SYNPO: variants seen among roughly 807,000 people sequenced by gnomAD.
The protein encoded by SYNPO is synaptopodin.
SYNPO carries 19 observed loss-of-function variants against 49.5 expected under a neutral mutation model. The observed-to-expected ratio is 0.38, with a 90% CI of 0.27 to 0.56. The LOEUF is 0.56. Among genes scored for constraint, SYNPO ranks in the 20% least tolerant of loss-of-function variants. The probability of loss-of-function intolerance (pLI) is 0.68; values close to 1 mark genes in which losing one functional copy is unlikely to be tolerated. For missense variants in SYNPO, 1,131 were observed against 1,248.3 expected (o/e 0.91, Z 1.42); for synonymous variants, 536 against 548.0 (o/e 0.98, Z 0.31).
chr5:150,606,113 A>C (rs1315205082), intron 1 of SYNPO, among the ~76,000 whole-genome samples: 2 of 152,252 alleles, frequency 1.3e-5, no homozygotes, highest in Non-Finnish European at 2.9e-5. Flanking sequence ...TATCATGCAG[A>C]TATCCACATA....
rs753098712 is a variant in SYNPO, at chr5:150,649,121, C to T, written c.846C>T (p.Pro282=). ...CCCCCAGTTTGCCAGACAGGAGCCC[C>T]CGGCCACAGAGACACATAATGTCCC... The part of the protein sequence containing the change: ...PQPPSLPDRS[P]RPQRHIMSRS... The change falls in exon 2 of 3, where the codon CCC becomes CCT. Residue 282 remains proline, a synonymous_variant. Transcript: ENST00000307662. 6.8e-6 allele frequency: 11 copies of T among 1,613,944 alleles called. No individual in the cohort carries two copies. In the Admixed American group the frequency reaches 1.0e-4, roughly 15 times the overall value.
At chr5:150,635,670 C>T (rs1244614593), upstream of SYNPO, among the ~76,000 whole-genome samples, 1 of 152,144 alleles carries the variant, frequency 6.6e-6, no homozygotes, top group Non-Finnish European at 1.5e-5. Context: ...ACCATGTTGG[C>T]CAGGCTGGTC....
chr5:150,626,916 C>T (rs1436312587), intron 2 of SYNPO, among the ~76,000 whole-genome samples: 2 of 152,140 alleles, frequency 1.3e-5, no homozygotes, highest in East Asian at 3.8e-4. Context: ...ATGGGAGGAA[C>T]CTTCTTCCAT....
At chr5:150,611,757 C>T (rs539770506) in intron 1 of SYNPO, among the ~76,000 whole-genome samples, 26 of 152,268 alleles carry the variant, frequency 1.7e-4, no homozygotes, top group South Asian at 1.0e-3. Context: ...GGATCGGGAC[C>T]GTGGGATCAT....
chr5:150,587,435 C>T, the SYNPO span, among the ~76,000 whole-genome samples: 8 of 151,226 alleles, frequency 5.3e-5, no homozygotes, highest in East Asian at 5.9e-4. Context: ...GCAGGATGAA[C>T]GAGTGGAAGA....
At position 150,657,167 on chromosome 5, in the gene SYNPO, C is replaced by A; in HGVS notation, c.*80C>A. ...ACCTGGGGGACCCAAAGGGTCTGGC[C>A]TCTTTGGGCAGCCCCAGAGATGAGG... is the stretch of plus-strand genomic sequence containing the variant. On this transcript the variant is annotated 3_prime_UTR_variant, in exon 3 of 3. Coordinates refer to ENST00000307662, the MANE Select transcript of SYNPO (RefSeq NM_007286.6). 1.4e-6 allele frequency: 2 copies of A among 1,438,412 alleles called. No individual in the cohort carries two copies. 89.1% of individuals were successfully genotyped at this position (1,438,412 alleles called of 1,614,324 possible). A position where few individuals can be genotyped will look rare whatever the true frequency, so the allele number is the denominator to read the frequency against.
rs1384395269 is a variant in SYNPO, at chr5:150,649,445, C to T, written c.1170C>T (p.Thr390=). Residue 390 remains threonine (T), a synonymous_variant, in exon 2 of 3, where the codon ACC becomes ACT. Coordinates refer to ENST00000307662, the MANE Select transcript of SYNPO (RefSeq NM_007286.6). ...MFTFVEKPKV[T]PNPDLLDLVQ... ...CTTTCGTGGAGAAGCCCAAGGTGAC[C>T]CCGAATCCAGACTTGCTGGATCTGG... 6.2e-7 allele frequency: 1 copy of T among 1,614,160 alleles called. No homozygotes were observed. Among genetic ancestry groups the T allele is most frequent in the East Asian group, 2.2e-5 (1 of 44,876 alleles).
In SYNPO at chr5:150,649,816, C is replaced by G; in HGVS notation, c.1541C>G (p.Ser514Cys). The G allele has an allele frequency of 6.2e-7, 1 of 1,610,602 alleles. No homozygotes were observed. The highest frequency in any genetic ancestry group is 8.5e-7 in the Non-Finnish European group (1 of 1,180,008). The change falls in exon 2 of 3, where the codon TCC (serine) becomes TGC (cysteine). Residue 514 changes from serine (S) to cysteine (C), a missense_variant. Transcript: ENST00000307662. Reference sequence around the variant, plus strand: ...GCCCGCTGCCCATCACCTACCATGTCCCTGCCTTCCTCCTGGAAATACCCC... The same window carrying G: ...GCCCGCTGCCCATCACCTACCATGTGCCTGCCTTCCTCCTGGAAATACCCC... ...ELARCPSPTM[S>C]LPSSWKYPTN...
chr5:150,623,311 G>T (rs901751971), intron 2 of SYNPO, among the ~76,000 whole-genome samples: 8 of 152,058 alleles, frequency 5.3e-5, no homozygotes, highest in Non-Finnish European at 1.2e-4. Flanking sequence ...CGTACAGACC[G>T]AATCACTTTC....
upstream of SYNPO, among the ~76,000 whole-genome samples, chr5:150,639,849 G>A (rs1262717373): frequency 1.3e-5 from 2 of 152,220 alleles, no homozygotes; most frequent in South Asian, 2.1e-4. Flanking sequence ...CCCTGCCCTC[G>A]AGGCCGTTGC....
At chr5:150,619,858 C>G (rs1429979170) in intron 2 of SYNPO, among the ~76,000 whole-genome samples, 6 of 152,218 alleles carry the variant, frequency 3.9e-5, no homozygotes, top group African/African-American at 1.4e-4. Flanking sequence ...CCATTGTCTA[C>G]CAGGCTGGGG....
At chr5:150,618,656 G>A (rs1757051761) in exon 2 of SYNPO, 20 of 1,551,192 alleles carry the variant, frequency 1.3e-5, no homozygotes, top group Non-Finnish European at 1.6e-5. Flanking sequence ...GGAACAAGGG[G>A]CGTCCCAGCA....
chr5:150,595,458 T>C, the SYNPO span, among the ~76,000 whole-genome samples: 3 of 152,198 alleles, frequency 2.0e-5, no homozygotes, highest in African/African-American at 7.2e-5. Flanking sequence ...GGACTACAAG[T>C]TGGGTCTCCA....
In SYNPO at chr5:150,657,019, C is replaced by T; in HGVS notation, c.2644C>T (p.Arg882Cys). 6.2e-7 allele frequency: 1 copy of T among 1,604,426 alleles called. No homozygotes were observed. The highest frequency in any genetic ancestry group is 8.5e-7 in the Non-Finnish European group (1 of 1,176,502). The change falls in exon 3 of 3, where the codon CGC becomes TGC. Residue 882 changes from arginine (R) to cysteine (C), a missense_variant. Coordinates refer to ENST00000307662, the MANE Select transcript of SYNPO (RefSeq NM_007286.6). The part of the protein sequence containing the change: ...PGILGYNICP[R>C]GWNGSLRLKR... The stretch of plus-strand genomic sequence containing the variant: ...CATCCTGGGCTACAATATCTGTCCC[C>T]GCGGGTGGAATGGCAGCCTTCGGCT...
Position 150,614,158 on chromosome 5 carries a change from G to T in SYNPO, c.-265-3945G>T, listed in dbSNP as rs76014199. Among the ~76,000 whole-genome samples the T allele has an allele frequency of 8.3e-3, 1,271 of 152,280 alleles. 17 individuals are homozygous for T. Among genetic ancestry groups the T allele is most frequent in the African/African-American group, 0.029 (1,197 of 41,524 alleles). On this transcript the variant is annotated intron_variant, in intron 1 of 2. Transcript: ENST00000394243. ...AATCCCTACAAACACCCTGGGAAGT[G>T]GATCGTGTTTTAAGCCTTGTTTTGC...
intron 1 of SYNPO, among the ~76,000 whole-genome samples, chr5:150,604,289 C>T (rs775258538): frequency 3.3e-5 from 5 of 152,180 alleles, no homozygotes; most frequent in African/African-American, 9.7e-5. Flanking sequence ...AGAGCAACTG[C>T]GTCCCAAAGA....
At chr5:150,650,499 C>A in intron 2 of SYNPO, 196 bp downstream of exon 2, 2 of 1,489,172 alleles carry the variant, frequency 1.3e-6, no homozygotes, top group Non-Finnish European at 1.8e-6. Flanking sequence ...GGCGAGTCGC[C>A]TCCCCTCTCT....
chr5:150,624,042 T>G (rs1561641457), intron 2 of SYNPO, among the ~76,000 whole-genome samples: 1 of 152,228 alleles, frequency 6.6e-6, no homozygotes. Context: ...ACATGGCCAC[T>G]GCCATGGGGC....
In SYNPO at chr5:150,649,317, G is replaced by C. The variant is rs762411716; in HGVS notation, c.1042G>C (p.Asp348His). ...ATATTCTGTCCTGTATCCCAGCTCC[G>C]ACCCCAAGTCTTCTCATCTGAAGGG... is the stretch of plus-strand genomic sequence containing the variant. Reference protein sequence around the residue: ...PSYSVLYPSSDPKSSHLKGQA... With the variant: ...PSYSVLYPSSHPKSSHLKGQA... The change falls in exon 2 of 3, where the codon GAC becomes CAC. Residue 348 changes from aspartate (D) to histidine (H), a missense_variant. This residue lies in a region of SYNPO where 602 missense variants were observed against 720.7 expected (regional missense o/e 0.84). Transcript: ENST00000307662. 3 of 1,614,004 alleles carry C rather than the reference G, an allele frequency of 1.9e-6. No homozygotes were observed. Among genetic ancestry groups the C allele is most frequent in the Non-Finnish European group, 2.5e-6 (3 of 1,180,022 alleles).
Sources: gnomAD v4.1 joint callset for allele counts (sites outside exome capture counted in the v4.1 genomes callset) on GRCh38, gnomAD v4.1.1 for gene constraint, gnomAD v4.1.1 regional missense constraint, MANE v1.5 for transcripts, NCBI Gene and HGNC (gene_info 2026-07-23, HGNC 2026-07-21) for gene names.